COL12A1: variants seen among roughly 807,000 people sequenced by gnomAD.
COL12A1 encodes collagen alpha-1(XII) chain.
A neutral mutation model predicts 349.7 loss-of-function variants in COL12A1; 114 were observed. That is an observed-to-expected ratio of 0.33 (90% CI 0.28 to 0.38). COL12A1 has a LOEUF of 0.38. Among genes scored for constraint, COL12A1 ranks in the 10% least tolerant of loss-of-function variants. COL12A1 has a pLI of 1.00. For missense variants in COL12A1, 3,284 were observed against 3,756.9 expected, an observed-to-expected ratio of 0.87 and a Z score of 3.29; for synonymous variants, 1,369 against 1,329.0, an observed-to-expected ratio of 1.03 and a Z score of -0.66.
rs568559580 is a variant in COL12A1 at position 75,172,215 on chromosome 6, T to C, written c.2710+2823A>G. 5.3e-5 allele frequency among the ~76,000 whole-genome samples: 8 copies of C among 152,332 alleles called. No individual in the cohort carries two copies. The South Asian group carries it at 1.7e-3, about 32-fold the overall frequency. ...TGAAGAGCTATAATATTATAAACAATTGAGCAATACATCTGGCTTACAAAA... is the reference window on the plus strand; with the variant it reads ...TGAAGAGCTATAATATTATAAACAACTGAGCAATACATCTGGCTTACAAAA... On this transcript the variant is annotated intron_variant, in intron 13 of 65. Transcript: ENST00000322507.
intron 14 of COL12A1, 148 bp downstream of exon 14, chr6:75,165,359 A>C: frequency 9.1e-7 from 1 of 1,104,242 alleles, no homozygotes; most frequent in African/African-American, 1.6e-5. Context: ...CTCTGAATTT[A>C]AGCCAAATTC....
At chr6:75,174,483 G>A (rs899223795) in intron 13 of COL12A1, among the ~76,000 whole-genome samples, 12 of 152,140 alleles carry the variant, frequency 7.9e-5, no homozygotes, top group African/African-American at 2.9e-4. Flanking sequence ...GTGAACCATA[G>A]AGGCAGAGCT....
chr6:75,189,359 A>C lies in COL12A1; in HGVS notation c.681T>G (p.Val227=). ...CAGCAGATTCCGTGAAAGTATTTTT[A>C]ACTAAATAATCAATGGCATCCCCTA... ...TMTGDAIDYL[V]KNTFTESAGA... Residue 227 remains valine (V), a synonymous_variant, in exon 7 of 66, where the codon GTT becomes GTG. Transcript: ENST00000322507. The C allele has an allele frequency of 6.2e-7, 1 of 1,612,834 alleles. No homozygotes were observed. The highest frequency in any genetic ancestry group is 8.5e-7 in the Non-Finnish European group (1 of 1,179,388).
Position 75,180,938 on chromosome 6 carries a change from CCTT to C in COL12A1, c.2162_2164del (p.Glu721del). The C allele has an allele frequency of 6.2e-7, 1 of 1,608,150 alleles. No homozygotes were observed. Among genetic ancestry groups the C allele is most frequent in the Non-Finnish European group, 8.5e-7 (1 of 1,175,494 alleles). On this transcript the variant is annotated inframe_deletion and splice_region_variant, in exon 11 of 66. Transcript: ENST00000322507. Reference sequence around the variant, plus strand: ...TAACAGTGGCAGAAACCCCATCACACCTTCTTCGGTGGTCTCCTCTCCAGCTAA... The same window carrying C: ...TAACAGTGGCAGAAACCCCATCACACCTTCGGTGGTCTCCTCTCCAGCTAA...
chr6:75,089,129 G>A lies in COL12A1; in HGVS notation c.8987C>T (p.Pro2996Leu), dbSNP rs1480024801. 1.2e-6 allele frequency: 2 copies of A among 1,611,422 alleles called. No homozygotes were observed. Among genetic ancestry groups the A allele is most frequent in the African/African-American group, 1.3e-5 (1 of 74,568 alleles). Residue 2996 changes from proline to leucine, a missense_variant, in exon 64 of 66, where the codon CCT (proline) becomes CTT (leucine). Coordinates refer to ENST00000322507, the MANE Select transcript of COL12A1 (RefSeq NM_004370.6). ...ACCTGGGGGGCCAGGCAGCCCCCGA[G>A]GTCCTGAAGATCCAGTACCCCTTTC... is the stretch of plus-strand genomic sequence containing the variant. ...KGERGTGSSG[P>L]RGLPGPPGPQ... is the part of the protein sequence containing the mutation.
intron 14 of COL12A1, among the ~76,000 whole-genome samples, chr6:75,159,054 A>G (rs1016253613): frequency 1.6e-4 from 25 of 151,974 alleles, no homozygotes; most frequent in African/African-American, 5.6e-4. Context: ...ACATAAAGAA[A>G]CTATACCAAG....
At chr6:75,116,826 A>G (rs1042287329) in intron 47 of COL12A1, among the ~76,000 whole-genome samples, 1 of 152,178 alleles carries the variant, frequency 6.6e-6, no homozygotes, top group African/African-American at 2.4e-5. Flanking sequence ...AATTGCCTCC[A>G]TAACCTATAC....
chr6:75,151,770 T>C (rs559124566), intron 20 of COL12A1, 97 bp downstream of exon 20: 3 of 1,231,580 alleles, frequency 2.4e-6, no homozygotes, highest in African/African-American at 1.7e-5. Context: ...AAAAAATGGG[T>C]ATTTTTTTTC....
At position 75,085,201 on chromosome 6, in the gene COL12A1, G is replaced by T. The variant is rs1295381804; in HGVS notation, c.*1346C>A. 2.1e-6 allele frequency: 1 copy of T among 467,562 alleles called. No individual in the cohort carries two copies. Among genetic ancestry groups the T allele is most frequent in the Non-Finnish European group, 4.4e-6 (1 of 226,250 alleles). The allele number at this position is 467,562 out of a possible 1,614,324, so 29.0% of individuals were successfully genotyped here. ...GCGTGATCTCTGGTTCACTGCCCGG[G>T]TCCGTGGGGCAGGGCGCGCCGCCAG... is the stretch of plus-strand genomic sequence containing the variant. On this transcript the variant is annotated 3_prime_UTR_variant, in exon 66 of 66. Coordinates refer to ENST00000322507, the MANE Select transcript of COL12A1 (RefSeq NM_004370.6).
At position 75,133,256 on chromosome 6, in the gene COL12A1, T is replaced by C. The variant is rs543372464; in HGVS notation, c.5794+37A>G. 18 of 1,535,268 alleles carry C rather than the reference T, an allele frequency of 1.2e-5. No individual in the cohort carries two copies. In the African/African-American group the frequency reaches 1.9e-4, roughly 17 times the overall value. ...GGTCTTTATAATGAAAAGCAACACT[T>C]ATGATGAAAAATTAATTTTTTGGCT... On this transcript the variant is annotated intron_variant, in intron 34 of 65. Coordinates refer to ENST00000322507, the MANE Select transcript of COL12A1 (RefSeq NM_004370.6).
chr6:75,137,096 G>C (rs1037948672), intron 31 of COL12A1, among the ~76,000 whole-genome samples: 4 of 152,098 alleles, frequency 2.6e-5, no homozygotes, highest in Admixed American at 1.3e-4. Context: ...GTTAGAGAGA[G>C]GAATGGAAGG....
At chr6:75,184,809 T>C (rs940622443) in intron 8 of COL12A1, among the ~76,000 whole-genome samples, 2 of 152,164 alleles carry the variant, frequency 1.3e-5, no homozygotes, top group African/African-American at 4.8e-5. Context: ...TAGAACATAG[T>C]CATGTATTTG....
At chr6:75,156,229 C>T in intron 15 of COL12A1, 28 bp downstream of exon 15, 1 of 1,609,204 alleles carries the variant, frequency 6.2e-7, no homozygotes, top group South Asian at 1.1e-5. Context: ...CCTTCTCTCC[C>T]CCTCAAAATA....
chr6:75,191,989 A>ATGGTTTAAGAC (rs1769953662), intron 4 of COL12A1, among the ~76,000 whole-genome samples: 1 of 152,018 alleles, frequency 6.6e-6, no homozygotes, highest in Non-Finnish European at 1.5e-5. Context: ...GCAAAGTTTA[A>ATGGTTTAAGAC]CATTTTTAAT....
At chr6:75,203,975 C>A (rs1385924879) in intron 1 of COL12A1, among the ~76,000 whole-genome samples, 1 of 152,228 alleles carries the variant, frequency 6.6e-6, no homozygotes, top group Non-Finnish European at 1.5e-5. Context: ...AACTGACAAT[C>A]TCCAACGATG....
At chr6:75,121,096 A>G (rs1769336452) in intron 44 of COL12A1, among the ~76,000 whole-genome samples, 1 of 152,232 alleles carries the variant, frequency 6.6e-6, no homozygotes. Context: ...TATCTAGCCA[A>G]AGATAAAAAC....
Position 75,184,092 on chromosome 6 carries a change from A to G in COL12A1, c.1050T>C (p.Val350=), listed in dbSNP as rs372113789. The change falls in exon 9 of 66, where the codon GTT becomes GTC. Residue 350 remains valine, a synonymous_variant. Transcript: ENST00000322507. ...LIAMEVSSKY[V]KLNWNPSPSP... ...TAGGAGATGGATTCCAATTTAGCTT[A>G]ACATATTTTGAAGAGACTTCCATGG... 38 of 1,614,174 alleles carry G rather than the reference A, an allele frequency of 2.4e-5. No homozygotes were observed. In the African/African-American group the frequency reaches 3.6e-4, roughly 15 times the overall value.
At chr6:75,140,380 G>A (rs1235587462) in intron 27 of COL12A1, among the ~76,000 whole-genome samples, 2 of 152,220 alleles carry the variant, frequency 1.3e-5, no homozygotes, top group Non-Finnish European at 2.9e-5. Context: ...GTTATGGCCA[G>A]GCACTGTGGC....
rs1362263062 is a variant in COL12A1, at chr6:75,143,538, A to G, written c.4691-150T>C. ...AAATGATTATGATGATAAAAGTACC[A>G]TGATTCTACCAGATAGACTGAATTC... is the stretch of plus-strand genomic sequence containing the variant. On this transcript the variant is annotated intron_variant, in intron 25 of 65. Coordinates refer to ENST00000322507, the MANE Select transcript of COL12A1 (RefSeq NM_004370.6). The G allele has an allele frequency of 2.4e-5, 19 of 799,560 alleles. No homozygotes were observed. In the East Asian group the frequency reaches 2.6e-4, roughly 11 times the overall value. The allele number at this position is 799,560 out of a possible 1,614,324, so 49.5% of individuals were successfully genotyped here. A position where few individuals can be genotyped will look rare whatever the true frequency, so the allele number is the denominator to read the frequency against.
Sources: allele counts gnomAD v4.1 joint callset (sites outside exome capture counted in the v4.1 genomes callset), GRCh38; gene constraint gnomAD v4.1.1; transcripts MANE v1.5; gene names NCBI Gene and HGNC (gene_info 2026-07-23, HGNC 2026-07-21).